The following MMS22L variants were observed in gnomAD, a reference collection of about 807,000 sequenced individuals.
The protein encoded by MMS22L is protein MMS22-like.
A neutral mutation model predicts 159.1 loss-of-function variants in MMS22L; 74 were observed. That is an observed-to-expected ratio of 0.47 (90% confidence interval 0.39 to 0.56). The LOEUF (loss-of-function observed/expected upper bound fraction) is 0.56, where lower values mean the gene tolerates loss of function less well. Among genes scored for constraint, MMS22L ranks in the 20% least tolerant of loss-of-function variants. The pLI is 0.00. For synonymous variants in MMS22L, 517 were observed against 506.9 expected, an observed-to-expected ratio of 1.02 and a Z score of -0.27; for missense variants, 1,351 against 1,422.1, an observed-to-expected ratio of 0.95 and a Z score of 0.80.
intron 10 of MMS22L, among the ~76,000 whole-genome samples, chr6:97,246,906 G>A (rs1467632151): frequency 6.6e-6 from 1 of 151,768 alleles, no homozygotes; most frequent in Non-Finnish European, 1.5e-5. Flanking sequence ...CATATCAGGA[G>A]TTGTAACAGT....
At chr6:97,268,325 T>C (rs779984271) in intron 7 of MMS22L, among the ~76,000 whole-genome samples, 9 of 151,722 alleles carry the variant, frequency 5.9e-5, no homozygotes, top group Admixed American at 1.3e-4. Flanking sequence ...GCTGGGACTA[T>C]AGGCACCCGC....
intron 22 of MMS22L, among the ~76,000 whole-genome samples, chr6:97,156,172 G>A (rs777459243): frequency 1.1e-4 from 16 of 152,056 alleles, no homozygotes; most frequent in African/African-American, 1.4e-4. Context: ...ATTTTTTGAC[G>A]GGGTTGTTTG....
chr6:97,212,016 G>A (rs1390357506), intron 14 of MMS22L, among the ~76,000 whole-genome samples: 1 of 152,112 alleles, frequency 6.6e-6, no homozygotes, highest in Non-Finnish European at 1.5e-5. Context: ...TTTATGTAGG[G>A]CAATCTCAGA....
At chr6:97,270,033 T>C in intron 6 of MMS22L, 41 bp from the exon 7 acceptor site, 1 of 1,476,814 alleles carries the variant, frequency 6.8e-7, no homozygotes, top group Non-Finnish European at 9.4e-7. Flanking sequence ...AATTCATTAA[T>C]ATTTTACTAG....
intron 8 of MMS22L, chr6:97,264,053 C>T (rs9374455): frequency 0.36 from 55,149 of 152,020 alleles, 11,469 homozygotes; most frequent in East Asian, 0.79. Context: ...ATTTAAGAGT[C>T]TGTTGTCAAT....
intron 6 of MMS22L, chr6:97,271,553 C>T (rs530057527): frequency 1.8e-4 from 28 of 152,190 alleles, no homozygotes; most frequent in African/African-American, 6.5e-4. Context: ...TGTTTTCTAT[C>T]GATTAGATAT....
chr6:97,244,371 CTG>C (rs1252350644), intron 11 of MMS22L, among the ~76,000 whole-genome samples: 14 of 152,122 alleles, frequency 9.2e-5, no homozygotes, highest in African/African-American at 3.4e-4. Flanking sequence ...TAGAGAAAGA[CTG>C]TTGATAGTTA....
chr6:97,283,921 A>G (rs553908672), upstream of MMS22L, among the ~76,000 whole-genome samples: 177 of 152,372 alleles, frequency 1.2e-3, no homozygotes, highest in Non-Finnish European at 2.2e-3. Context: ...TTTGGAAATT[A>G]AGAATCATAC....
intron 23 of MMS22L, among the ~76,000 whole-genome samples, chr6:97,150,516 A>G (rs1801216166): frequency 6.6e-6 from 1 of 152,174 alleles, no homozygotes; most frequent in Non-Finnish European, 1.5e-5. Context: ...AGGTCTTTAT[A>G]AATAAAAATT....
intron 14 of MMS22L, among the ~76,000 whole-genome samples, chr6:97,220,574 T>G (rs1338968812): frequency 6.6e-6 from 1 of 152,108 alleles, no homozygotes; most frequent in South Asian, 2.1e-4. Context: ...ATTAGGCAAG[T>G]AGTATTAATG....
In MMS22L at chr6:97,145,439, T is replaced by C. The variant is rs1800890200; in HGVS notation, c.*1367A>G. Reference sequence around the variant, plus strand: ...TTTTCTTGAAGGAAGAGTAGAACCATGATAAAGACTATAATCCCAAGAAGG... The same window carrying C: ...TTTTCTTGAAGGAAGAGTAGAACCACGATAAAGACTATAATCCCAAGAAGG... On this transcript the variant is annotated 3_prime_UTR_variant, in exon 25 of 25. Coordinates refer to ENST00000683635, the MANE Select transcript of MMS22L (RefSeq NM_001350599.2). The C allele has an allele frequency of 6.6e-6, 1 of 152,130 alleles. No homozygotes were observed. Among genetic ancestry groups the C allele is most frequent in the South Asian group, 2.1e-4 (1 of 4,828 alleles). 9.4% of individuals were successfully genotyped at this position (152,130 alleles called of 1,614,324 possible). A position where few individuals can be genotyped will look rare whatever the true frequency, so the allele number is the denominator to read the frequency against.
intron 14 of MMS22L, among the ~76,000 whole-genome samples, chr6:97,225,371 A>AC (rs1414296457): frequency 3.3e-5 from 5 of 149,530 alleles, no homozygotes; most frequent in Non-Finnish European, 1.5e-5. Flanking sequence ...TTCATTTCTT[A>AC]CCTTTTTTTT....
intron 2 of MMS22L, 23 bp from the exon 3 acceptor site, chr6:97,281,385 C>T (rs377078633): frequency 5.1e-6 from 8 of 1,571,504 alleles, no homozygotes; most frequent in Non-Finnish European, 6.9e-6. Flanking sequence ...TTGTTTCAAT[C>T]TCATAAAAAG....
chr6:97,259,325 T>A (rs945227145), intron 9 of MMS22L: 3 of 152,206 alleles, frequency 2.0e-5, no homozygotes, highest in African/African-American at 7.2e-5. Context: ...AGATATTTGG[T>A]TAAATATTAT....
chr6:97,188,329 T>TC (rs1805469692), intron 14 of MMS22L, among the ~76,000 whole-genome samples: 1 of 152,176 alleles, frequency 6.6e-6, no homozygotes, highest in South Asian at 2.1e-4. Context: ...GCTCACCATA[T>TC]CTAAAAAAGC....
In MMS22L at chr6:97,245,377, T is replaced by G. The variant is rs1273482950; in HGVS notation, c.1182+1251A>C. Among the ~76,000 whole-genome samples the G allele has an allele frequency of 2.6e-5, 4 of 152,226 alleles. No individual in the cohort carries two copies. In the South Asian group the frequency reaches 8.3e-4, roughly 32 times the overall value. On this transcript the variant is annotated intron_variant, in intron 11 of 24. Transcript: ENST00000683635. ...AACTCCCAATAGAATAATAATGTTA[T>G]CCAGACTTTACTGAAATTCTCTGGA...
chr6:97,200,785 G>A (rs1807058353), intron 14 of MMS22L, among the ~76,000 whole-genome samples: 1 of 152,068 alleles, frequency 6.6e-6, no homozygotes, highest in African/African-American at 2.4e-5. Flanking sequence ...GAAATGGAAA[G>A]ATACTTGCTT....
At chr6:97,179,309 TTTTGTATATTTTC>T in intron 17 of MMS22L, 86 bp downstream of exon 17, 1 of 1,029,414 alleles carries the variant, frequency 9.7e-7, no homozygotes, top group Admixed American at 2.6e-5. Context: ...ATTACGAATA[TTTTGTATATTTTC>T]TATTAATTAC....
chr6:97,230,359 C>T (rs1810733586), intron 13 of MMS22L: 2 of 151,686 alleles, frequency 1.3e-5, no homozygotes, highest in Admixed American at 1.3e-4. Context: ...CCCACCTCAG[C>T]CTCCCAAAAT....
Sources: allele counts gnomAD v4.1 joint callset (sites outside exome capture counted in the v4.1 genomes callset), GRCh38; gene constraint gnomAD v4.1.1; transcripts MANE v1.5; gene names NCBI Gene and HGNC (gene_info 2026-07-23, HGNC 2026-07-21).